Variants in PKP3 observed in about 807,000 individuals in gnomAD.
PKP3 encodes the protein plakophilin-3.
A neutral mutation model predicts 76.5 loss-of-function variants in PKP3; 66 were observed. The observed-to-expected ratio is 0.86, with a 90% confidence interval of 0.71 to 1.06. PKP3 has a LOEUF of 1.06. Ranked by LOEUF, PKP3 falls within the 50% of genes least tolerant of loss-of-function variation. PKP3 has a pLI of 0.00. For missense variants in PKP3, 1,338 were observed against 1,141.0 expected, an observed-to-expected ratio of 1.17 and a Z score of -2.49; for synonymous variants, 638 against 516.5, an observed-to-expected ratio of 1.24 and a Z score of -3.19.
Position 404,681 on chromosome 11 carries a change from CT to C in PKP3, c.*113del. The C allele has an allele frequency of 1.8e-5, 18 of 1,025,614 alleles. No homozygotes were observed. Among genetic ancestry groups the C allele is most frequent in the East Asian group, 5.0e-5 (2 of 39,714 alleles). 63.5% of individuals were successfully genotyped at this position (1,025,614 alleles called of 1,614,324 possible). Reference sequence around the variant, plus strand: ...GAGAAGGCTAATGACGGAGGGGCCCCTCGCTGGGGCCCCTGTGTGCATCTTT... The same window carrying C: ...GAGAAGGCTAATGACGGAGGGGCCCCCGCTGGGGCCCCTGTGTGCATCTTT... On this transcript the variant is annotated 3_prime_UTR_variant, in exon 13 of 13. Transcript: ENST00000331563. This position sits in a 1 kb window ranked among gnomAD's most constrained non-coding sequence, Gnocchi z 4.2.
Position 400,649 on chromosome 11 carries a change from G to C in PKP3, c.1681G>C (p.Ala561Pro). 5.1e-6 allele frequency: 7 copies of C among 1,367,214 alleles called. No homozygotes were observed. The highest frequency in any genetic ancestry group is 6.6e-6 in the Non-Finnish European group (7 of 1,067,054). 84.7% of individuals were successfully genotyped at this position (1,367,214 alleles called of 1,614,324 possible). ...TCGCGGCCGCAGGGACCTGGCGGGGGCGCCGCCGGGAGAGGTCGTGGGCTG... is the reference window on the plus strand; with the variant it reads ...TCGCGGCCGCAGGGACCTGGCGGGGCCGCCGCCGGGAGAGGTCGTGGGCTG... Reference protein sequence around the residue: ...EGRGRRDLAGAPPGEVVGCFT... With the variant: ...EGRGRRDLAGPPPGEVVGCFT... The change falls in exon 8 of 13, where the codon GCG (alanine) becomes CCG (proline). Residue 561 changes from alanine (A) to proline (P), a missense_variant. Coordinates refer to ENST00000331563, the MANE Select transcript of PKP3 (RefSeq NM_007183.4).
chr11:395,766 C>T (rs1026684564), intron 1 of PKP3, among the ~76,000 whole-genome samples: 10 of 152,206 alleles, frequency 6.6e-5, no homozygotes, highest in Admixed American at 3.9e-4. Flanking sequence ...CTGCACCCCA[C>T]CCTGAGCCCC....
At chr11:392,694 C>A, upstream of PKP3, 1 of 1,286,646 alleles carries the variant, frequency 7.8e-7, no homozygotes, top group Non-Finnish European at 1.0e-6. Context: ...TGGCGGGATC[C>A]GGACCACGAG....
chr11:397,462 G>T lies in PKP3; in HGVS notation c.944+17G>T. The T allele has an allele frequency of 6.2e-7, 1 of 1,611,860 alleles. No individual in the cohort carries two copies. Among genetic ancestry groups the T allele is most frequent in the South Asian group, 1.1e-5 (1 of 91,044 alleles). Reference sequence around the variant, plus strand: ...CAGCAGCGGGTGAGCGGCTGGGCCCGGCTCAGGGAGGGGGCTTCTACCACG... The same window carrying T: ...CAGCAGCGGGTGAGCGGCTGGGCCCTGCTCAGGGAGGGGGCTTCTACCACG... On this transcript the variant is annotated intron_variant, in intron 3 of 12. Coordinates refer to ENST00000331563, the MANE Select transcript of PKP3 (RefSeq NM_007183.4).
intron 6 of PKP3, 87 bp from the exon 7 acceptor site, chr11:400,247 G>C: frequency 7.1e-7 from 1 of 1,416,596 alleles, no homozygotes; most frequent in South Asian, 1.4e-5. Flanking sequence ...CTCGCGCTGG[G>C]GATGGGCGTG....
At chr11:403,336 G>A in intron 9 of PKP3, 73 bp downstream of exon 9, 2 of 1,232,958 alleles carry the variant, frequency 1.6e-6, no homozygotes, top group Non-Finnish European at 2.2e-6. Flanking sequence ...AGGAGGGAGA[G>A]GGAGGGGAGG....
chr11:398,993 C>T lies in PKP3; in HGVS notation c.1070C>T (p.Ala357Val), dbSNP rs1847100997. ...ACCCCCATATGCCTGTGCCCGCAGGCCCGCAGCCTTCAGGCCGTGCCTAGG... is the reference window on the plus strand; with the variant it reads ...ACCCCCATATGCCTGTGCCCGCAGGTCCGCAGCCTTCAGGCCGTGCCTAGG... ...CYSDAAAKKQ[A>V]RSLQAVPRLV... Residue 357 changes from alanine (A) to valine (V), a missense_variant and splice_region_variant, in exon 5 of 13, where the codon GCC becomes GTC. Coordinates refer to ENST00000331563, the MANE Select transcript of PKP3 (RefSeq NM_007183.4). 6.4e-7 allele frequency: 1 copy of T among 1,569,562 alleles called. No individual in the cohort carries two copies. The highest frequency in any genetic ancestry group is 1.3e-5 in the African/African-American group (1 of 74,206).
Position 404,521 on chromosome 11 carries a change from C to T in PKP3, c.2359-13C>T. On this transcript the variant is annotated splice_polypyrimidine_tract_variant and intron_variant, in intron 12 of 12. Coordinates refer to ENST00000331563, the MANE Select transcript of PKP3 (RefSeq NM_007183.4). This position sits in a 1 kb window ranked among gnomAD's most constrained non-coding sequence, Gnocchi z 4.2. ...AGACATGCACCCTGACCTTGGGCCT[C>T]TCTCCACTGTAGAAGGGCTATCGGA... is the stretch of plus-strand genomic sequence containing the variant. 6.2e-7 allele frequency: 1 copy of T among 1,612,378 alleles called. No individual in the cohort carries two copies. The highest frequency in any genetic ancestry group is 8.5e-7 in the Non-Finnish European group (1 of 1,179,644).
chr11:398,197 T>TC (rs1847087141), intron 4 of PKP3, among the ~76,000 whole-genome samples: 1 of 45,384 alleles, frequency 2.2e-5, no homozygotes. Flanking sequence ...CACATATACC[T>TC]CATCACCTCC....
At chr11:398,325 A>G (rs1590354690) in intron 4 of PKP3, among the ~76,000 whole-genome samples, 1 of 17,208 alleles carries the variant, frequency 5.8e-5, no homozygotes. Flanking sequence ...TCACCTCCGT[A>G]CCCCTGCACA....
At chr11:396,377 A>C (rs1847044685) in intron 1 of PKP3, 1 of 486,852 alleles carries the variant, frequency 2.1e-6, no homozygotes. Context: ...CGGGTAGAGG[A>C]GGCACAGCTG....
chr11:397,489 G>A, intron 3 of PKP3, 44 bp downstream of exon 3: 1 of 1,611,982 alleles, frequency 6.2e-7, no homozygotes, highest in Non-Finnish European at 8.5e-7. Context: ...TCTACCACGG[G>A]CCCAGCCTGA....
At chr11:395,168 TGTGA>T (rs1228975083) in intron 1 of PKP3, among the ~76,000 whole-genome samples, 1 of 152,036 alleles carries the variant, frequency 6.6e-6, no homozygotes, top group Non-Finnish European at 1.5e-5. Flanking sequence ...TGCGTGTGAG[TGTGA>T]GTGACAGGAG....
chr11:397,821 A>G, intron 4 of PKP3, 159 bp downstream of exon 4: 1 of 689,492 alleles, frequency 1.5e-6, no homozygotes, highest in Non-Finnish European at 2.4e-6. Flanking sequence ...GGAAGAGCAG[A>G]AGGATACAAT....
At chr11:400,737 G>A in intron 8 of PKP3, 32 bp downstream of exon 8, 1 of 1,179,320 alleles carries the variant, frequency 8.5e-7, no homozygotes, top group Non-Finnish European at 1.1e-6. Flanking sequence ...GCGTGGGGTG[G>A]GTGCTGCGAC....
In PKP3 at chr11:403,100, T is replaced by C; in HGVS notation, c.1760T>C (p.Leu587Pro). The C allele has an allele frequency of 6.6e-7, 1 of 1,506,676 alleles. No individual in the cohort carries two copies. The highest frequency in any genetic ancestry group is 1.2e-5 in the South Asian group (1 of 82,668). 93.3% of individuals were successfully genotyped at this position (1,506,676 alleles called of 1,614,324 possible). ...LRELPLAADA[L>P]TFAEVSKDPK... ...CAGCTGCCCCTCGCCGCCGATGCGC[T>C]CACCTTCGCGGAGGTGTCCAAGGAC... The change falls in exon 9 of 13, where the codon CTC becomes CCC. Residue 587 changes from leucine (L) to proline (P), a missense_variant. By Grantham distance (98) the Leu-to-Pro change is moderately conservative. Coordinates refer to ENST00000331563, the MANE Select transcript of PKP3 (RefSeq NM_007183.4).
rs77752215 is a variant in PKP3 at position 397,390 on chromosome 11, G to T, written c.889G>T (p.Val297Leu). The T allele has an allele frequency of 1.9e-3, 3,050 of 1,611,116 alleles. 42 individuals carry two copies. In the African/African-American group the frequency reaches 0.029, roughly 15 times the overall value. The change falls in exon 3 of 13, where the codon GTG (valine) becomes TTG (leucine). Residue 297 changes from valine to leucine, a missense_variant. By Grantham distance (32) the Val-to-Leu change is conservative. Transcript: ENST00000331563. Reference sequence around the variant, plus strand: ...GGCTGACTCGGGCCACCTGCCGGACGTGCATGGGTTCAACAGCTACGGTAG... The same window carrying T: ...GGCTGACTCGGGCCACCTGCCGGACTTGCATGGGTTCAACAGCTACGGTAG... ...SLADSGHLPD[V>L]HGFNSYGSHR...
At position 400,522 on chromosome 11, in the gene PKP3, C is replaced by T. The variant is rs1396198939; in HGVS notation, c.1567-13C>T. The T allele has an allele frequency of 2.0e-6, 3 of 1,490,334 alleles. No homozygotes were observed. Among genetic ancestry groups the T allele is most frequent in the Admixed American group, 4.9e-5 (2 of 40,454 alleles). 92.3% of individuals were successfully genotyped at this position (1,490,334 alleles called of 1,614,324 possible). ...CTCTGACCCGCGCCCCTGCCCCGCG[C>T]CCCCGCCCGCAGAGCGTGGAGAACG... On this transcript the variant is annotated splice_polypyrimidine_tract_variant and intron_variant, in intron 7 of 12. Transcript: ENST00000331563.
At chr11:398,343 G>A (rs1299095237) in intron 4 of PKP3, among the ~76,000 whole-genome samples, 1 of 9,136 alleles carries the variant, frequency 1.1e-4, no homozygotes, top group Non-Finnish European at 1.6e-4. Context: ...ACACACCTCC[G>A]TCACCTCCGT....
Sources: gnomAD v4.1 joint callset for allele counts (sites outside exome capture counted in the v4.1 genomes callset) on GRCh38, gnomAD v4.1.1 for gene constraint, Gnocchi (gnomAD v3.1) non-coding constraint, MANE v1.5 for transcripts, NCBI Gene and HGNC (gene_info 2026-07-23, HGNC 2026-07-21) for gene names.